Variants in DNAH11 observed in about 807,000 individuals in gnomAD.
DNAH11 encodes the protein axonemal beta dynein heavy chain 11.
A neutral mutation model predicts 526.0 loss-of-function variants in DNAH11; 442 were observed. The observed-to-expected ratio is 0.84, with a 90% CI of 0.78 to 0.91. The LOEUF (loss-of-function observed/expected upper bound fraction) is 0.91. Ranked by LOEUF, DNAH11 falls within the 40% of genes least tolerant of loss-of-function variation. The pLI is 0.00. For missense variants in DNAH11, 6,989 were observed against 5,448.7 expected (o/e 1.28, Z -8.90); for synonymous variants, 2,461 against 1,935.9 (o/e 1.27, Z -7.12).
chr7:21,692,007 G>A (rs4719673), intron 35 of DNAH11, among the ~76,000 whole-genome samples: 28,488 of 152,128 alleles, frequency 0.19, 3,489 homozygotes, highest in Non-Finnish European at 0.27. Flanking sequence ...CACTTAGCAG[G>A]AGTCTGTAAG....
intron 25 of DNAH11, among the ~76,000 whole-genome samples, chr7:21,633,124 G>C (rs978343604): frequency 3.9e-5 from 6 of 152,154 alleles, no homozygotes; most frequent in African/African-American, 1.2e-4. Context: ...GTATGGGAAA[G>C]ACCTGCCCCC....
chr7:21,718,072 G>T (rs2240471), intron 43 of DNAH11, 147 bp downstream of exon 43: 1 of 1,021,724 alleles, frequency 9.8e-7, no homozygotes, highest in Non-Finnish European at 1.3e-6. Context: ...CCCCGCCCCC[G>T]TCCCCCATGT....
chr7:21,673,693 CAA>C (rs1473565203), intron 30 of DNAH11, among the ~76,000 whole-genome samples: 2 of 152,104 alleles, frequency 1.3e-5, no homozygotes, highest in African/African-American at 4.8e-5. Flanking sequence ...TTACTCAAAA[CAA>C]AATAATAACC....
chr7:21,806,520 A>G (rs1789269293), intron 62 of DNAH11, among the ~76,000 whole-genome samples: 1 of 152,322 alleles, frequency 6.6e-6, no homozygotes, highest in South Asian at 2.1e-4. Flanking sequence ...TGCTAATTTC[A>G]TGACCTCCGA....
chr7:21,744,968 A>G lies in DNAH11; in HGVS notation c.8415A>G (p.Glu2805=), dbSNP rs1060503055. ...DPHYMPVKDW[E]VLKTILTETL... ...ATTACATGCCAGTGAAGGACTGGGAAGTGCTGAAGACGATTCTTACAGAAA... is the reference window on the plus strand; with the variant it reads ...ATTACATGCCAGTGAAGGACTGGGAGGTGCTGAAGACGATTCTTACAGAAA... The change falls in exon 51 of 82, where the codon GAA becomes GAG. Residue 2805 remains glutamate (E), a synonymous_variant. Transcript: ENST00000409508. 1.9e-6 allele frequency: 3 copies of G among 1,610,416 alleles called. No homozygotes were observed. The highest frequency in any genetic ancestry group is 1.1e-5 in the South Asian group (1 of 90,074).
At chr7:21,721,027 C>T (rs2128483957) in intron 44 of DNAH11, among the ~76,000 whole-genome samples, 171 bp downstream of exon 44, 1 of 152,322 alleles carries the variant, frequency 6.6e-6, no homozygotes, top group African/African-American at 2.4e-5. Flanking sequence ...CCTGATGGTT[C>T]TAACCCCAGC....
intron 70 of DNAH11, among the ~76,000 whole-genome samples, chr7:21,866,114 G>A (rs534991530): frequency 6.1e-4 from 93 of 152,200 alleles, no homozygotes; most frequent in Middle Eastern, 3.4e-3. Context: ...TAGGAATGCA[G>A]CCCAGCAAGT....
At chr7:21,746,972 G>C (rs1412219613) in intron 51 of DNAH11, among the ~76,000 whole-genome samples, 6 of 152,130 alleles carry the variant, frequency 3.9e-5, no homozygotes, top group Non-Finnish European at 8.8e-5. Flanking sequence ...CCTCAATACA[G>C]AATTTTCAGT....
At chr7:21,678,630 C>T (rs1783004791) in intron 30 of DNAH11, among the ~76,000 whole-genome samples, 1 of 151,412 alleles carries the variant, frequency 6.6e-6, no homozygotes, top group Non-Finnish European at 1.5e-5. Context: ...TGAATTAAGT[C>T]TACAGAGAAC....
chr7:21,802,519 A>G (rs757832721), intron 62 of DNAH11, among the ~76,000 whole-genome samples: 3 of 152,210 alleles, frequency 2.0e-5, no homozygotes, highest in East Asian at 1.9e-4. Flanking sequence ...CTCATATGCA[A>G]TGTTCATAGC....
intron 6 of DNAH11, among the ~76,000 whole-genome samples, chr7:21,569,644 A>T (rs1053289300): frequency 9.2e-5 from 14 of 152,208 alleles, no homozygotes; most frequent in African/African-American, 3.1e-4. Context: ...CTTTCTCTTT[A>T]CAAGTGGTCC....
intron 55 of DNAH11, among the ~76,000 whole-genome samples, chr7:21,773,553 A>G (rs1173895865): frequency 1.3e-5 from 2 of 152,142 alleles, no homozygotes; most frequent in African/African-American, 4.8e-5. Flanking sequence ...CCTTTGTCCT[A>G]CTTGGCAAGA....
intron 40 of DNAH11, among the ~76,000 whole-genome samples, chr7:21,708,781 G>A (rs575432687): frequency 1.9e-4 from 29 of 152,262 alleles, no homozygotes; most frequent in Middle Eastern, 3.4e-3. Flanking sequence ...CTGGATGCCC[G>A]CATGACTTGC....
chr7:21,837,484 CAA>C (rs1562575776), intron 65 of DNAH11, among the ~76,000 whole-genome samples: 2 of 152,068 alleles, frequency 1.3e-5, no homozygotes, highest in African/African-American at 4.8e-5. Flanking sequence ...CATAAAAAGA[CAA>C]ATACTGCCTG....
At chr7:21,879,514 A>G (rs1221608577) in intron 74 of DNAH11, among the ~76,000 whole-genome samples, 1 of 152,086 alleles carries the variant, frequency 6.6e-6, no homozygotes, top group Non-Finnish European at 1.5e-5. Flanking sequence ...AATTTTCCAT[A>G]TATCACCCAG....
chr7:21,616,832 G>A (rs535520309), intron 22 of DNAH11, among the ~76,000 whole-genome samples: 4 of 152,112 alleles, frequency 2.6e-5, no homozygotes, highest in African/African-American at 4.8e-5. Flanking sequence ...CTGCATAGCC[G>A]TATGCCCTCT....
At chr7:21,875,475 C>A (rs1583800540) in intron 74 of DNAH11, among the ~76,000 whole-genome samples, 1 of 152,096 alleles carries the variant, frequency 6.6e-6, no homozygotes, top group Non-Finnish European at 1.5e-5. Flanking sequence ...TGTGGACACT[C>A]TCCCCAGGGA....
At chr7:21,792,810 T>A (rs916466716) in intron 61 of DNAH11, among the ~76,000 whole-genome samples, 1 of 152,130 alleles carries the variant, frequency 6.6e-6, no homozygotes, top group Non-Finnish European at 1.5e-5. Context: ...GTTGATTTTG[T>A]TTATCTTTTG....
chr7:21,784,570 C>T, intron 58 of DNAH11, 30 bp downstream of exon 58: 1 of 1,492,540 alleles, frequency 6.7e-7, no homozygotes. Context: ...CCCTGAGTTT[C>T]CTCAAAGTAA....
Sources: gnomAD v4.1 joint callset for allele counts (sites outside exome capture counted in the v4.1 genomes callset) on GRCh38, gnomAD v4.1.1 for gene constraint, MANE v1.5 for transcripts, NCBI Gene and HGNC (gene_info 2026-07-23, HGNC 2026-07-21) for gene names.